The following GMDS variants were observed in gnomAD, a reference collection of about 807,000 sequenced individuals.
GMDS encodes GDP-mannose 4,6-dehydratase, also known as GDP-mannose 4,6 dehydratase.
In GMDS, 20 loss-of-function variants were observed where a neutral mutation model predicts 49.9. That is an observed-to-expected ratio of 0.40 (90% CI 0.28 to 0.58). The LOEUF (loss-of-function observed/expected upper bound fraction) is 0.58, where lower values mean the gene tolerates loss of function less well. GMDS is among the 20% of genes least tolerant of loss of function. The probability of loss-of-function intolerance (pLI) is 0.42; values close to 1 mark genes in which losing one functional copy is unlikely to be tolerated. For synonymous variants in GMDS, 177 were observed against 178.6 expected, an observed-to-expected ratio of 0.99 and a Z score of 0.07; for missense variants, 362 against 481.4, an observed-to-expected ratio of 0.75 and a Z score of 2.32.
intron 9 of GMDS, among the ~76,000 whole-genome samples, chr6:1,710,229 T>A (rs73405529): frequency 0.25 from 38,661 of 152,078 alleles, 5,629 homozygotes; most frequent in African/African-American, 0.4. Context: ...TGCTTTTTAT[T>A]ACTACCCTCC....
intron 6 of GMDS, among the ~76,000 whole-genome samples, chr6:1,944,669 CAAAAAAAAAAAAA>C (rs56229524): frequency 4.0e-5 from 4 of 101,164 alleles, no homozygotes; most frequent in African/African-American, 1.8e-4. Context: ...GACTCCGTCT[CAAAAAAAAAAAAA>C]AAAAAAAAAA....
intron 4 of GMDS, among the ~76,000 whole-genome samples, chr6:2,044,438 A>G (rs1450234830): frequency 6.6e-6 from 1 of 152,212 alleles, no homozygotes; most frequent in African/African-American, 2.4e-5. Context: ...GAAGGCCATT[A>G]TCCTTAGCAA....
At chr6:2,186,083 T>C (rs898615926) in intron 1 of GMDS, among the ~76,000 whole-genome samples, 4 of 152,200 alleles carry the variant, frequency 2.6e-5, no homozygotes, top group African/African-American at 7.2e-5. Context: ...CAAACTGTAG[T>C]GAACAGAGTT....
At chr6:1,974,298 T>G (rs959712961) in intron 4 of GMDS, among the ~76,000 whole-genome samples, 1 of 152,150 alleles carries the variant, frequency 6.6e-6, no homozygotes, top group African/African-American at 2.4e-5. Flanking sequence ...ACAAGAACTG[T>G]GTGATACACT....
At chr6:1,828,878 T>G (rs1771238804) in intron 7 of GMDS, among the ~76,000 whole-genome samples, 1 of 152,192 alleles carries the variant, frequency 6.6e-6, no homozygotes, top group Admixed American at 6.5e-5. Context: ...GTAAAAAAAT[T>G]ACATATAATG....
At chr6:1,934,015 AC>A (rs1271750514) in intron 6 of GMDS, among the ~76,000 whole-genome samples, 5 of 152,138 alleles carry the variant, frequency 3.3e-5, no homozygotes, top group African/African-American at 1.2e-4. Flanking sequence ...TTTTCTTCTT[AC>A]ATTTGAATTT....
intron 9 of GMDS, among the ~76,000 whole-genome samples, chr6:1,713,271 T>A (rs1359441038): frequency 6.6e-6 from 1 of 152,232 alleles, no homozygotes; most frequent in Non-Finnish European, 1.5e-5. Flanking sequence ...TGGGATGAAG[T>A]GTCCTCGCCT....
At chr6:1,842,000 T>C (rs1246345829) in intron 7 of GMDS, among the ~76,000 whole-genome samples, 1 of 152,204 alleles carries the variant, frequency 6.6e-6, no homozygotes, top group Non-Finnish European at 1.5e-5. Flanking sequence ...CATTCAGACT[T>C]CTACGTGACA....
chr6:1,631,879 T>C (rs913733116), intron 9 of GMDS, among the ~76,000 whole-genome samples: 1 of 152,180 alleles, frequency 6.6e-6, no homozygotes, highest in African/African-American at 2.4e-5. Context: ...TTAAGACAAT[T>C]ACTGTGATAT....
chr6:1,665,967 A>G (rs1200041757), intron 9 of GMDS, among the ~76,000 whole-genome samples: 1 of 152,066 alleles, frequency 6.6e-6, no homozygotes, highest in Non-Finnish European at 1.5e-5. Flanking sequence ...CCTTCTGGAG[A>G]CCGTATTTTT....
At chr6:2,240,601 C>CAAAAAAA (rs57052982) in intron 1 of GMDS, among the ~76,000 whole-genome samples, 4 of 84,070 alleles carry the variant, frequency 4.8e-5, no homozygotes, top group Non-Finnish European at 8.0e-5. Context: ...AAGACTGTCT[C>CAAAAAAA]AAAAAAAAAA....
At chr6:2,054,722 T>G (rs567840690) in intron 4 of GMDS, among the ~76,000 whole-genome samples, 2 of 151,976 alleles carry the variant, frequency 1.3e-5, no homozygotes, top group Non-Finnish European at 2.9e-5. Context: ...AGTTTGCAGT[T>G]TGAGTCACCA....
chr6:1,982,487 T>C (rs57695758), intron 4 of GMDS, among the ~76,000 whole-genome samples: 6,443 of 152,224 alleles, frequency 0.042, 429 homozygotes, highest in African/African-American at 0.15. Context: ...GAAAACCCCA[T>C]TGTCTCAGCC....
rs138017472 is a variant in GMDS at position 1,839,197 on chromosome 6, C to T, written c.771+90906G>A. Among the ~76,000 whole-genome samples, 353 of 152,134 alleles carry T rather than the reference C, an allele frequency of 2.3e-3. 6 individuals carry two copies. Among genetic ancestry groups the T allele is most frequent in the Admixed American group, 0.02 (303 of 15,282 alleles). Reference sequence around the variant, plus strand: ...TCTACATTTGTTTTAGTGATTTGCTCCGCAACAGCCAGAGGGCATTTATTT... The same window carrying T: ...TCTACATTTGTTTTAGTGATTTGCTTCGCAACAGCCAGAGGGCATTTATTT... On this transcript the variant is annotated intron_variant, in intron 7 of 10. Coordinates refer to ENST00000380815, the MANE Select transcript of GMDS (RefSeq NM_001500.4).
At chr6:2,233,886 C>T (rs1362907286) in intron 1 of GMDS, among the ~76,000 whole-genome samples, 1 of 152,186 alleles carries the variant, frequency 6.6e-6, no homozygotes, top group Non-Finnish European at 1.5e-5. Context: ...GTTTGTCGAT[C>T]CTGCTCTAAA....
chr6:2,031,483 G>C (rs1272650781), intron 4 of GMDS, among the ~76,000 whole-genome samples: 1 of 151,724 alleles, frequency 6.6e-6, no homozygotes, highest in African/African-American at 2.4e-5. Flanking sequence ...CAGTGTAAGT[G>C]CTTAGAGAAA....
chr6:1,754,335 G>T (rs1426229494), intron 7 of GMDS, among the ~76,000 whole-genome samples: 1 of 152,164 alleles, frequency 6.6e-6, no homozygotes, highest in Non-Finnish European at 1.5e-5. Flanking sequence ...ACTAAACCAG[G>T]AAGAAGTCAA....
intron 1 of GMDS, among the ~76,000 whole-genome samples, chr6:2,194,888 C>A (rs969824845): frequency 6.6e-6 from 1 of 152,242 alleles, no homozygotes; most frequent in Non-Finnish European, 1.5e-5. Context: ...CTTTCAGACA[C>A]AGTGACACTG....
At chr6:2,093,583 T>A (rs1206867226) in intron 4 of GMDS, among the ~76,000 whole-genome samples, 1 of 152,036 alleles carries the variant, frequency 6.6e-6, no homozygotes, top group Admixed American at 6.6e-5. Flanking sequence ...AATATAAATA[T>A]GAGGTTAAAA....
Sources: allele counts gnomAD v4.1 joint callset (sites outside exome capture counted in the v4.1 genomes callset), GRCh38; gene constraint gnomAD v4.1.1; transcripts MANE v1.5; gene names NCBI Gene and HGNC (gene_info 2026-07-23, HGNC 2026-07-21).